The following CTNNA3 variants were observed in gnomAD, a reference collection of about 807,000 sequenced individuals.
CTNNA3 encodes catenin alpha-3.
A neutral mutation model predicts 95.7 loss-of-function variants in CTNNA3; 76 were observed. The observed-to-expected ratio is 0.79, with a 90% CI of 0.66 to 0.96. The LOEUF (loss-of-function observed/expected upper bound fraction) is 0.96. Ranked by LOEUF, CTNNA3 falls within the 40% of genes least tolerant of loss-of-function variation. CTNNA3 has a pLI of 0.00. For synonymous variants in CTNNA3, 431 were observed against 374.4 expected, an observed-to-expected ratio of 1.15 and a Z score of -1.74; for missense variants, 1,191 against 1,089.8, an observed-to-expected ratio of 1.09 and a Z score of -1.31.
intron 13 of CTNNA3, among the ~76,000 whole-genome samples, chr10:66,243,075 C>A (rs2090171118): frequency 6.6e-6 from 1 of 152,104 alleles, no homozygotes; most frequent in African/African-American, 2.4e-5. Flanking sequence ...TCTCATTATG[C>A]CCTCCTCCCT....
intron 7 of CTNNA3, among the ~76,000 whole-genome samples, chr10:66,796,658 A>G (rs1841204225): frequency 6.6e-6 from 1 of 152,144 alleles, no homozygotes; most frequent in African/African-American, 2.4e-5. Context: ...AAAGTGCAAT[A>G]AAGTGAAACT....
chr10:67,304,015 T>C (rs1280099074), intron 5 of CTNNA3, among the ~76,000 whole-genome samples: 1 of 152,226 alleles, frequency 6.6e-6, no homozygotes, highest in Non-Finnish European at 1.5e-5. Flanking sequence ...GGGCTTACTC[T>C]TGCTTTCAGC....
At chr10:67,700,494 G>A (rs992998723), upstream of CTNNA3, among the ~76,000 whole-genome samples, 2 of 152,168 alleles carry the variant, frequency 1.3e-5, no homozygotes, top group African/African-American at 2.4e-5. Flanking sequence ...TGCAATCTCC[G>A]CTGCTGATAT....
intron 6 of CTNNA3, among the ~76,000 whole-genome samples, chr10:67,194,135 C>T (rs577881496): frequency 6.6e-6 from 1 of 152,120 alleles, no homozygotes; most frequent in South Asian, 2.1e-4. Flanking sequence ...TGTTCATGTC[C>T]TTTGCCCACT....
intron 7 of CTNNA3, among the ~76,000 whole-genome samples, chr10:66,998,297 T>C (rs1851471459): frequency 6.6e-6 from 1 of 152,188 alleles, no homozygotes; most frequent in Non-Finnish European, 1.5e-5. Context: ...ACTGTTGTTT[T>C]AGTACTAGTT....
chr10:67,430,230 C>T (rs530765800), intron 5 of CTNNA3, among the ~76,000 whole-genome samples: 1 of 152,110 alleles, frequency 6.6e-6, no homozygotes, highest in South Asian at 2.1e-4. Context: ...TTCACAATTA[C>T]CCAATTCAGC....
intron 5 of CTNNA3, among the ~76,000 whole-genome samples, chr10:67,242,930 G>A (rs1243255740): frequency 6.6e-6 from 1 of 152,148 alleles, no homozygotes; most frequent in Non-Finnish European, 1.5e-5. Context: ...ACCTTTTAGG[G>A]TATTAATGAA....
chr10:66,835,525 G>T (rs997298767), intron 7 of CTNNA3, among the ~76,000 whole-genome samples: 6 of 152,174 alleles, frequency 3.9e-5, no homozygotes, highest in African/African-American at 1.4e-4. Context: ...TTGCCCTTTG[G>T]CAGTGCCTTC....
chr10:66,529,880 TA>T (rs1360840423), intron 10 of CTNNA3, among the ~76,000 whole-genome samples: 1 of 152,026 alleles, frequency 6.6e-6, no homozygotes, highest in Non-Finnish European at 1.5e-5. Context: ...TTTATGCCCA[TA>T]AAAAAAGTCA....
intron 15 of CTNNA3, among the ~76,000 whole-genome samples, chr10:66,050,993 A>G (rs1268302200): frequency 6.6e-6 from 1 of 152,058 alleles, no homozygotes; most frequent in African/African-American, 2.4e-5. Context: ...AGCTAGGACT[A>G]CAGGTGTGGG....
At chr10:67,081,208 T>C (rs936596177) in intron 7 of CTNNA3, among the ~76,000 whole-genome samples, 3 of 152,204 alleles carry the variant, frequency 2.0e-5, no homozygotes, top group Non-Finnish European at 4.4e-5. Flanking sequence ...GTAATAATTA[T>C]TGGAGAAATG....
At chr10:67,265,040 A>G (rs1239549453) in intron 5 of CTNNA3, among the ~76,000 whole-genome samples, 1 of 152,202 alleles carries the variant, frequency 6.6e-6, no homozygotes, top group African/African-American at 2.4e-5. Flanking sequence ...AAAATATGCA[A>G]CCTAGCTTTG....
intron 16 of CTNNA3, among the ~76,000 whole-genome samples, chr10:65,977,821 C>T (rs977639259): frequency 6.6e-5 from 10 of 151,312 alleles, no homozygotes; most frequent in East Asian, 1.9e-4. Flanking sequence ...ATAAATAAAA[C>T]GAATTTTGCA....
At chr10:66,174,233 T>C (rs975751245) in intron 13 of CTNNA3, among the ~76,000 whole-genome samples, 1 of 152,148 alleles carries the variant, frequency 6.6e-6, no homozygotes, top group Non-Finnish European at 1.5e-5. Context: ...TTTAGTATAA[T>C]ACTATGCAAA....
rs574176160 is a variant in CTNNA3 at position 67,301,895 on chromosome 10, G to A, written c.580-82025C>T. Among the ~76,000 whole-genome samples the A allele has an allele frequency of 4.0e-5, 6 of 151,676 alleles. No individual in the cohort carries two copies. The South Asian group carries it at 1.0e-3, about 26-fold the overall frequency. ...GAGGCAGGAGAATGGCGTGAACCCG[G>A]GAGGCGGAGCTTGCAGTGAGCGGAG... On this transcript the variant is annotated intron_variant, in intron 5 of 17. Coordinates refer to ENST00000433211, the MANE Select transcript of CTNNA3 (RefSeq NM_013266.4).
intron 3 of CTNNA3, among the ~76,000 whole-genome samples, chr10:67,555,932 A>G (rs1841226711): frequency 6.6e-6 from 1 of 152,190 alleles, no homozygotes; most frequent in African/African-American, 2.4e-5. Flanking sequence ...TGTCCAATGA[A>G]TACCTAATTT....
chr10:65,921,702 C>T (rs1456744637), intron 17 of CTNNA3, among the ~76,000 whole-genome samples: 1 of 152,236 alleles, frequency 6.6e-6, no homozygotes, highest in African/African-American at 2.4e-5. Context: ...ACTGCTTCTT[C>T]TGAGACTCCT....
intron 1 of CTNNA3, chr10:67,750,459 T>C: frequency 6.6e-7 from 1 of 1,513,532 alleles, no homozygotes; most frequent in Non-Finnish European, 9.2e-7. Flanking sequence ...GGGGAAGCCA[T>C]CCAAGAGAAG....
intron 16 of CTNNA3, among the ~76,000 whole-genome samples, chr10:65,975,775 GA>G (rs1192536050): frequency 1.3e-5 from 2 of 151,954 alleles, no homozygotes; most frequent in Non-Finnish European, 2.9e-5. Flanking sequence ...TAAATGATTT[GA>G]ATTTAGTTTT....
Sources: gnomAD v4.1 joint callset for allele counts (sites outside exome capture counted in the v4.1 genomes callset) on GRCh38, gnomAD v4.1.1 for gene constraint, MANE v1.5 for transcripts, NCBI Gene and HGNC (gene_info 2026-07-23, HGNC 2026-07-21) for gene names.